IL33: variants seen among roughly 807,000 people sequenced by gnomAD.
IL33 encodes the protein interleukin-33.
Under a neutral mutation model 27.3 loss-of-function variants are expected in IL33, and 37 were observed. The ratio of observed to expected loss-of-function variants is 1.36; its 90% CI spans 1.04 to 1.78. IL33 has a LOEUF of 1.78. Among genes scored for constraint, IL33 ranks in the 40% most tolerant of loss-of-function variants. The pLI is 0.00. For synonymous variants in IL33, 132 were observed against 102.9 expected (o/e 1.28, Z -1.71); for missense variants, 406 against 311.4 (o/e 1.30, Z -2.29).
At chr9:6,253,675 C>G in intron 6 of IL33, 73 bp downstream of exon 6, 3 of 1,187,150 alleles carry the variant, frequency 2.5e-6, no homozygotes, top group Non-Finnish European at 3.7e-6. Context: ...CAAAAAAATC[C>G]TTTTTGCCCC....
At chr9:6,244,203 T>C (rs1819694851) in intron 2 of IL33, among the ~76,000 whole-genome samples, 1 of 152,176 alleles carries the variant, frequency 6.6e-6, no homozygotes, top group South Asian at 2.1e-4. Flanking sequence ...CCTAACTACT[T>C]ACCTATACCA....
intron 1 of IL33, among the ~76,000 whole-genome samples, chr9:6,235,503 A>G (rs184854257): frequency 3.5e-4 from 53 of 152,344 alleles, no homozygotes; most frequent in Middle Eastern, 3.4e-3. Context: ...GAAGTTCTCA[A>G]AGAAAACACT....
At chr9:6,252,488 T>C (rs1474040745) in intron 4 of IL33, among the ~76,000 whole-genome samples, 1 of 152,212 alleles carries the variant, frequency 6.6e-6, no homozygotes, top group African/African-American at 2.4e-5. Context: ...ACTTTATAGA[T>C]GAACATTTAT....
chr9:6,226,494 TC>T (rs990704575), intron 1 of IL33, among the ~76,000 whole-genome samples: 12 of 152,134 alleles, frequency 7.9e-5, no homozygotes, highest in African/African-American at 2.7e-4. Flanking sequence ...TTCTTCCAAG[TC>T]TTTTACCCTC....
intron 4 of IL33, among the ~76,000 whole-genome samples, chr9:6,252,041 AAAC>A (rs1238105549): frequency 5.1e-5 from 1 of 19,640 alleles, no homozygotes; most frequent in Non-Finnish European, 9.4e-5. Flanking sequence ...CTCAGAAAAA[AAAC>A]AAACAAACAA....
chr9:6,255,918 C>G (rs1293846933), intron 7 of IL33, 50 bp from the exon 8 acceptor site: 1 of 1,479,414 alleles, frequency 6.8e-7, no homozygotes, highest in East Asian at 2.3e-5. Flanking sequence ...GTAAAGTTGA[C>G]TCTGAACTTC....
chr9:6,252,792 T>A (rs1816478862), intron 4 of IL33, 74 bp from the exon 5 acceptor site: 1 of 1,575,542 alleles, frequency 6.3e-7, no homozygotes, highest in African/African-American at 1.4e-5. Flanking sequence ...GCAAAAATGT[T>A]TTTTGAGGGA....
At position 6,256,833 on chromosome 9, in the gene IL33, A is replaced by G. The variant is rs1228310404; in HGVS notation, c.*665A>G. ...TTAGAAAAATAAATCCAGTATTTGT[A>G]AAGTGAATAACTTCATTTCTAATTG... On this transcript the variant is annotated 3_prime_UTR_variant, in exon 8 of 8. Transcript: ENST00000682010. 1 of 152,634 alleles carries G rather than the reference A, an allele frequency of 6.6e-6. No individual in the cohort carries two copies. The highest frequency in any genetic ancestry group is 1.9e-4 in the East Asian group (1 of 5,206). 9.5% of individuals were successfully genotyped at this position (152,634 alleles called of 1,614,324 possible).
chr9:6,229,633 A>G (rs376183453), intron 1 of IL33, among the ~76,000 whole-genome samples: 8 of 152,310 alleles, frequency 5.3e-5, no homozygotes, highest in Middle Eastern at 3.4e-3. Context: ...TAGGGTCCCC[A>G]CATCTGTCTA....
intron 1 of IL33, among the ~76,000 whole-genome samples, chr9:6,234,114 A>G (rs921412193): frequency 6.6e-5 from 10 of 152,002 alleles, no homozygotes; most frequent in African/African-American, 2.2e-4. Context: ...TTCCCCTTAC[A>G]TGTTAGATAT....
At chr9:6,215,895 A>G (rs1317334471) in intron 1 of IL33, 43 bp downstream of exon 1, 1 of 152,048 alleles carries the variant, frequency 6.6e-6, no homozygotes, top group Non-Finnish European at 1.5e-5. Flanking sequence ...AGATTTTGCA[A>G]AGTTAAACCT....
At chr9:6,225,685 G>A (rs557303701) in intron 1 of IL33, among the ~76,000 whole-genome samples, 58 of 152,164 alleles carry the variant, frequency 3.8e-4, no homozygotes, top group African/African-American at 1.3e-3. Flanking sequence ...CCTCCAAATA[G>A]TTTTATTGTC....
chr9:6,226,539 T>C (rs1818639129), intron 1 of IL33, among the ~76,000 whole-genome samples: 1 of 152,216 alleles, frequency 6.6e-6, no homozygotes, highest in African/African-American at 2.4e-5. Flanking sequence ...TATCTCTGGA[T>C]TGTATTCTAA....
rs949642212 is a variant in IL33 at position 6,256,640 on chromosome 9, C to T, written c.*472C>T. ...AGTAAAAAGAAGACCAGATGCTTCA[C>T]AGAATTATCATTTTTTCAACTGGAA... On this transcript the variant is annotated 3_prime_UTR_variant, in exon 8 of 8. Coordinates refer to ENST00000682010, the MANE Select transcript of IL33 (RefSeq NM_033439.4). 3.8e-6 allele frequency: 1 copy of T among 264,366 alleles called. No individual in the cohort carries two copies. The highest frequency in any genetic ancestry group is 7.0e-6 in the Non-Finnish European group (1 of 142,012). 16.4% of individuals were successfully genotyped at this position (264,366 alleles called of 1,614,324 possible). A position where few individuals can be genotyped will look rare whatever the true frequency, so the allele number is the denominator to read the frequency against.
intron 1 of IL33, among the ~76,000 whole-genome samples, chr9:6,230,791 G>A (rs1402129418): frequency 6.6e-6 from 1 of 152,154 alleles, no homozygotes; most frequent in African/African-American, 2.4e-5. Context: ...ACAAGGAGAT[G>A]AATCAAATAT....
intron 1 of IL33, among the ~76,000 whole-genome samples, chr9:6,227,055 G>T (rs929216555): frequency 1.3e-5 from 2 of 152,220 alleles, no homozygotes; most frequent in Non-Finnish European, 2.9e-5. Context: ...GCCATGTAGG[G>T]GCTGACTTGT....
chr9:6,227,535 T>C (rs1208903699), intron 1 of IL33, among the ~76,000 whole-genome samples: 3 of 152,212 alleles, frequency 2.0e-5, no homozygotes, highest in Non-Finnish European at 4.4e-5. Context: ...ATGAAGCATA[T>C]TTATATTAAT....
At chr9:6,220,279 T>A (rs2130086002) in intron 1 of IL33, among the ~76,000 whole-genome samples, 1 of 152,328 alleles carries the variant, frequency 6.6e-6, no homozygotes, top group Admixed American at 6.5e-5. Flanking sequence ...TAAATGATTG[T>A]CATAATTTTC....
chr9:6,255,747 C>T (rs2130479137), intron 7 of IL33, among the ~76,000 whole-genome samples: 1 of 152,226 alleles, frequency 6.6e-6, no homozygotes, highest in Middle Eastern at 3.4e-3. Flanking sequence ...ATCCATACTG[C>T]CTCTCTATGT....
Sources: allele counts gnomAD v4.1 joint callset (sites outside exome capture counted in the v4.1 genomes callset), GRCh38; gene constraint gnomAD v4.1.1; transcripts MANE v1.5; gene names NCBI Gene and HGNC (gene_info 2026-07-23, HGNC 2026-07-21).